Variants in ENG observed in about 807,000 individuals in gnomAD.
ENG encodes the protein CD105 antigen.
In ENG, 17 loss-of-function variants were observed where a neutral mutation model predicts 71.0. That is an observed-to-expected ratio of 0.24 (90% CI 0.16 to 0.36). The LOEUF (loss-of-function observed/expected upper bound fraction) is 0.36, where lower values mean the gene tolerates loss of function less well. ENG is among the 10% of genes least tolerant of loss of function. The pLI, the probability that ENG is intolerant of heterozygous loss-of-function variation, is 1.00. For synonymous variants in ENG, 360 were observed against 366.9 expected (o/e 0.98, Z 0.21); for missense variants, 749 against 868.3 (o/e 0.86, Z 1.73).
chr9:127,850,404 G>A (rs1257795375), intron 1 of ENG, among the ~76,000 whole-genome samples: 2 of 152,236 alleles, frequency 1.3e-5, no homozygotes, highest in East Asian at 1.9e-4. Flanking sequence ...TCTGTCGCCC[G>A]AGGGCCCAGC....
rs143761433 is a variant in ENG, at chr9:127,815,533, C to T, written c.*149G>A. 2.1e-6 allele frequency: 3 copies of T among 1,411,928 alleles called. No homozygotes were observed. In the South Asian group the frequency reaches 4.4e-5, roughly 21 times the overall value. 87.5% of individuals were successfully genotyped at this position (1,411,928 alleles called of 1,614,324 possible). On this transcript the variant is annotated 3_prime_UTR_variant, in exon 15 of 15. Transcript: ENST00000373203. The stretch of plus-strand genomic sequence containing the variant: ...AGCCAGTGGCTGCACTGGCAGCAGG[C>T]CTCTGAGAGGGAGGCGGGAAGGGTA...
At chr9:127,841,317 A>G (rs1413790042) in intron 2 of ENG, 5 of 152,318 alleles carry the variant, frequency 3.3e-5, no homozygotes, top group African/African-American at 9.7e-5. Flanking sequence ...CTACACACCT[A>G]TCTCCCATAG....
At chr9:127,842,417 T>C (rs1831057467) in intron 2 of ENG, among the ~76,000 whole-genome samples, 1 of 151,294 alleles carries the variant, frequency 6.6e-6, no homozygotes. Context: ...TTATTTTATT[T>C]TTATTTTTTT....
chr9:127,850,931 T>A (rs920573200), intron 1 of ENG, among the ~76,000 whole-genome samples: 3 of 152,186 alleles, frequency 2.0e-5, no homozygotes, highest in Non-Finnish European at 4.4e-5. Flanking sequence ...TGGGACAGAA[T>A]ATTCCAGAAG....
chr9:127,826,419 C>A, intron 4 of ENG, 91 bp downstream of exon 4: 2 of 1,556,924 alleles, frequency 1.3e-6, no homozygotes, highest in Non-Finnish European at 1.8e-6. Context: ...CTCCTGCACT[C>A]TTGGTGCCCA....
chr9:127,824,650 C>T, intron 7 of ENG, 150 bp downstream of exon 7: 1 of 1,098,218 alleles, frequency 9.1e-7, no homozygotes, highest in South Asian at 1.7e-5. Flanking sequence ...TGATTAGCTA[C>T]TCCCATTGTT....
rs1026128382 is a variant in ENG, at chr9:127,836,272, C to T, written c.220-6445G>A. 5.9e-5 allele frequency among the ~76,000 whole-genome samples: 9 copies of T among 152,240 alleles called. No homozygotes were observed. Among genetic ancestry groups the T allele is most frequent in the African/African-American group, 1.7e-4 (7 of 41,470 alleles). ...TCTGGCCAGCCCCTCACCCCCAGCC[C>T]GGCCAGCCTGCGCCTACCCAGCCCC... On this transcript the variant is annotated intron_variant, in intron 2 of 14. Coordinates refer to ENST00000373203, the MANE Select transcript of ENG (RefSeq NM_001114753.3). This position sits in a 1 kb window ranked among gnomAD's most constrained non-coding sequence, Gnocchi z 4.0.
chr9:127,827,039 G>A (rs564286430), intron 3 of ENG: 7 of 302,232 alleles, frequency 2.3e-5, no homozygotes, highest in East Asian at 1.5e-4. Context: ...AGGGGGCAAC[G>A]TCTACCTTGC....
intron 2 of ENG, among the ~76,000 whole-genome samples, chr9:127,837,543 G>C (rs963396028): frequency 6.6e-6 from 1 of 152,100 alleles, no homozygotes; most frequent in Admixed American, 6.6e-5. Flanking sequence ...GCCCAGCCTG[G>C]GGCTTCTGTG....
In ENG at chr9:127,815,674, G is replaced by A. The variant is rs745789604; in HGVS notation, c.*8C>T. The A allele has an allele frequency of 2.6e-6, 4 of 1,556,096 alleles. No homozygotes were observed. The East Asian group carries it at 7.1e-5, about 27-fold the overall frequency. On this transcript the variant is annotated 3_prime_UTR_variant, in exon 15 of 15. Coordinates refer to ENST00000373203, the MANE Select transcript of ENG (RefSeq NM_001114753.3). Reference sequence around the variant, plus strand: ...TCTCTCCTGCTGGGCGAGCGCGGGGGGCCGGGGCTATGCCATGCTGCTGGT... The same window carrying A: ...TCTCTCCTGCTGGGCGAGCGCGGGGAGCCGGGGCTATGCCATGCTGCTGGT...
chr9:127,816,253 A>T (rs1244544655), intron 13 of ENG, 200 bp from the exon 14 acceptor site: 4 of 700,962 alleles, frequency 5.7e-6, no homozygotes, highest in Non-Finnish European at 9.7e-6. Context: ...AGGACTGTCC[A>T]CCTAGAGGGC....
rs999476141 is a variant in ENG at position 127,829,736 on chromosome 9, C to T, written c.311G>A (p.Ser104Asn). The stretch of plus-strand genomic sequence containing the variant: ...CAGGGCCTGGAGATGCAGGAAGACA[C>T]TGCTGTTTACACTGAGGACCAGAAG... ...EVLLVLSVNSSVFLHLQALGI... is the reference protein window; with the variant it reads ...EVLLVLSVNSNVFLHLQALGI... Residue 104 changes from serine to asparagine, a missense_variant, in exon 3 of 15, where the codon AGT becomes AAT. Ser to Asn is a conservative substitution (Grantham distance 46). Transcript: ENST00000373203. 6.2e-7 allele frequency: 1 copy of T among 1,614,164 alleles called. No individual in the cohort carries two copies. Among genetic ancestry groups the T allele is most frequent in the East Asian group, 2.2e-5 (1 of 44,884 alleles).
At position 127,818,524 on chromosome 9, in the gene ENG, G is replaced by A. The variant is rs1311753732; in HGVS notation, c.1429-147C>T. 4.8e-6 allele frequency: 7 copies of A among 1,468,942 alleles called. No individual in the cohort carries two copies. In the South Asian group the frequency reaches 5.9e-5, roughly 12 times the overall value. 91.0% of individuals were successfully genotyped at this position (1,468,942 alleles called of 1,614,324 possible). ...AGACATGGACCTGTCTGGGGCAGAG[G>A]AGGAGGACAGGGCCACATCCTTGTC... On this transcript the variant is annotated intron_variant, in intron 11 of 14. Transcript: ENST00000373203.
At chr9:127,817,024 G>A in intron 13 of ENG, 125 bp downstream of exon 13, 4 of 1,113,744 alleles carry the variant, frequency 3.6e-6, no homozygotes, top group Non-Finnish European at 5.4e-6. Context: ...CCCCTTCTGG[G>A]CCGCTTTCTC....
intron 2 of ENG, among the ~76,000 whole-genome samples, chr9:127,830,328 T>G (rs1588586424): frequency 9.2e-6 from 1 of 108,806 alleles, no homozygotes; most frequent in African/African-American, 3.7e-5. Context: ...GGCAACAGAG[T>G]GAGACTCCAT....
At chr9:127,848,900 T>C (rs935091071) in intron 1 of ENG, among the ~76,000 whole-genome samples, 1 of 152,180 alleles carries the variant, frequency 6.6e-6, no homozygotes, top group Non-Finnish European at 1.5e-5. Context: ...CAGTTCTTTG[T>C]CCTCCATTTT....
intron 8 of ENG, among the ~76,000 whole-genome samples, chr9:127,823,673 CTTT>C (rs1017053002): frequency 2.5e-4 from 25 of 99,034 alleles, no homozygotes; most frequent in African/African-American, 9.7e-4. Flanking sequence ...CAGGCACCGG[CTTT>C]TTTTTTTTTT....
intron 1 of ENG, among the ~76,000 whole-genome samples, chr9:127,843,730 C>CAT (rs1831099913): frequency 1.5e-4 from 1 of 6,862 alleles, no homozygotes; most frequent in African/African-American, 3.4e-4. Context: ...CCCACACATC[C>CAT]ACATACATAT....
At position 127,824,999 on chromosome 9, in the gene ENG, CAG is replaced by C. The variant is rs761699139; in HGVS notation, c.817-27_817-26del. 9.9e-5 allele frequency: 160 copies of C among 1,608,588 alleles called. No homozygotes were observed. Among genetic ancestry groups the C allele is most frequent in the Non-Finnish European group, 1.3e-4 (149 of 1,178,928 alleles). On this transcript the variant is annotated intron_variant, in intron 6 of 14. Transcript: ENST00000373203. The stretch of plus-strand genomic sequence containing the variant: ...TCTAATGGTGGGGAGAGAGGCAGAA[CAG>C]GGGGCCATGGACACAGTCTGTGCCA...
Sources: allele counts gnomAD v4.1 joint callset (sites outside exome capture counted in the v4.1 genomes callset), GRCh38; gene constraint gnomAD v4.1.1; non-coding constraint Gnocchi (gnomAD v3.1); transcripts MANE v1.5; gene names NCBI Gene and HGNC (gene_info 2026-07-23, HGNC 2026-07-21).